MYO1E: variants seen among roughly 807,000 people sequenced by gnomAD.
MYO1E encodes unconventional myosin-Ie.
A neutral mutation model predicts 151.1 loss-of-function variants in MYO1E; 68 were observed. The observed-to-expected ratio is 0.45, with a 90% CI of 0.37 to 0.55. MYO1E has a LOEUF of 0.55. Ranked by LOEUF, MYO1E falls within the 20% of genes least tolerant of loss-of-function variation. The pLI is 0.00. For missense variants in MYO1E, 1,363 were observed against 1,389.3 expected (o/e 0.98, Z 0.30); for synonymous variants, 601 against 501.7 (o/e 1.20, Z -2.64).
chr15:59,210,651 C>G (rs2079873281), intron 12 of MYO1E, 51 bp from the exon 13 acceptor site: 9 of 1,319,240 alleles, frequency 6.8e-6, no homozygotes, highest in Non-Finnish European at 8.8e-6. Context: ...AGCAAGAGCT[C>G]TGCACGGACA....
At chr15:59,274,848 T>C (rs1302738920) in intron 1 of MYO1E, among the ~76,000 whole-genome samples, 1 of 152,314 alleles carries the variant, frequency 6.6e-6, no homozygotes, top group Non-Finnish European at 1.5e-5. Context: ...GTAGAGTTCA[T>C]TGATTCTCAT....
Position 59,153,781 on chromosome 15 carries a change from C to A in MYO1E, c.2889G>T (p.Gln963His). The A allele has an allele frequency of 6.2e-7, 1 of 1,613,272 alleles. No individual in the cohort carries two copies. Among genetic ancestry groups the A allele is most frequent in the South Asian group, 1.1e-5 (1 of 91,056 alleles). Reference sequence around the variant, plus strand: ...CATACTGGTTTCTGATGACTCCGTTCTGATGGTATCCTAGAGAGAGGAACA... The same window carrying A: ...CATACTGGTTTCTGATGACTCCGTTATGATGGTATCCTAGAGAGAGGAACA... ...RAAPPPPGYHQNGVIRNQYVP... is the reference protein window; with the variant it reads ...RAAPPPPGYHHNGVIRNQYVP... The change falls in exon 26 of 28, where the codon CAG becomes CAT. Residue 963 changes from glutamine to histidine, a missense_variant. Coordinates refer to ENST00000288235, the MANE Select transcript of MYO1E (RefSeq NM_004998.4).
intron 18 of MYO1E, among the ~76,000 whole-genome samples, chr15:59,181,792 A>G (rs1256920342): frequency 6.6e-6 from 1 of 152,194 alleles, no homozygotes; most frequent in Non-Finnish European, 1.5e-5. Context: ...GCAGATGTGG[A>G]TAGTTGTGCT....
At chr15:59,139,859 C>T (rs773239882) in intron 26 of MYO1E, among the ~76,000 whole-genome samples, 11 of 150,908 alleles carry the variant, frequency 7.3e-5, no homozygotes, top group Non-Finnish European at 1.5e-4. Context: ...TTCCCTCCCA[C>T]CCCCTCATTA....
chr15:59,174,252 GA>G lies in MYO1E; in HGVS notation c.2050-13del. On this transcript the variant is annotated splice_polypyrimidine_tract_variant and intron_variant, in intron 19 of 27. Coordinates refer to ENST00000288235, the MANE Select transcript of MYO1E (RefSeq NM_004998.4). ...TCTAAAAGAAATAGCTGTGAATGGA[GA>G]GAAGACAAATGTGAGCCAAGCCCCA... The G allele has an allele frequency of 6.3e-7, 1 of 1,587,728 alleles. No homozygotes were observed. The highest frequency in any genetic ancestry group is 8.6e-7 in the Non-Finnish European group (1 of 1,156,268).
chr15:59,361,155 C>T (rs2080882846), intron 1 of MYO1E, among the ~76,000 whole-genome samples: 2 of 152,250 alleles, frequency 1.3e-5, no homozygotes, highest in Middle Eastern at 3.4e-3. Context: ...GGACCAACTA[C>T]CAGACATGTG....
chr15:59,344,559 T>C (rs1453987989), intron 1 of MYO1E, among the ~76,000 whole-genome samples: 1 of 152,330 alleles, frequency 6.6e-6, no homozygotes, highest in East Asian at 1.9e-4. Flanking sequence ...CATCAAGTAG[T>C]GAAGCCAGCT....
In MYO1E at chr15:59,357,658, C is replaced by G. The variant is rs145200941; in HGVS notation, c.3+14840G>C. Among the ~76,000 whole-genome samples, 51 of 152,052 alleles carry G rather than the reference C, an allele frequency of 3.4e-4. 2 individuals are homozygous for G. The highest frequency in any genetic ancestry group is 1.1e-3 in the African/African-American group (46 of 41,460). ...AGAGACAGGGTTTCACCATGTTGGC[C>G]AGGATGGTCTGAAACTCCTGACCTC... On this transcript the variant is annotated intron_variant, in intron 1 of 27. Coordinates refer to ENST00000288235, the MANE Select transcript of MYO1E (RefSeq NM_004998.4).
intron 1 of MYO1E, among the ~76,000 whole-genome samples, chr15:59,307,813 T>C (rs2080523959): frequency 6.6e-6 from 1 of 151,832 alleles, no homozygotes; most frequent in Non-Finnish European, 1.5e-5. Flanking sequence ...TTTCTCCATG[T>C]TGGTCAGGCT....
At chr15:59,298,224 AAATCTAGTTATTTGG>A (rs1275653189) in intron 1 of MYO1E, among the ~76,000 whole-genome samples, 5 of 152,202 alleles carry the variant, frequency 3.3e-5, no homozygotes. Flanking sequence ...TTACATTTAC[AAATCTAGTTATTTGG>A]TACCCTGGGG....
At chr15:59,208,534 CTTTTG>C in intron 14 of MYO1E, 142 bp downstream of exon 14, 1 of 998,168 alleles carries the variant, frequency 1.0e-6, no homozygotes, top group South Asian at 1.4e-5. Flanking sequence ...TATATACAAT[CTTTTG>C]TTTTGCTTCC....
rs74809404 is a variant in MYO1E, at chr15:59,302,343, T to A, written c.4-29894A>T. 3.2e-3 allele frequency among the ~76,000 whole-genome samples: 485 copies of A among 152,278 alleles called. 2 individuals are homozygous for A. The highest frequency in any genetic ancestry group is 0.011 in the African/African-American group (467 of 41,530). On this transcript the variant is annotated intron_variant, in intron 1 of 27. Transcript: ENST00000288235. ...CAGACATTAACATGCCATCTTGAAA[T>A]GGCAACATACTGCAAAAGAATGCTG...
chr15:59,214,497 G>C, intron 11 of MYO1E, 143 bp downstream of exon 11: 1 of 1,001,016 alleles, frequency 1.0e-6, no homozygotes, highest in Admixed American at 1.8e-5. Flanking sequence ...AACTCACAAA[G>C]GCAAAAATGA....
intron 1 of MYO1E, among the ~76,000 whole-genome samples, chr15:59,303,000 G>C (rs1180216516): frequency 6.6e-6 from 1 of 152,144 alleles, no homozygotes; most frequent in Admixed American, 6.5e-5. Context: ...TGTCTGGTGA[G>C]AATACCCCTC....
At chr15:59,172,935 A>C (rs2079604095) in intron 21 of MYO1E, among the ~76,000 whole-genome samples, 1 of 152,276 alleles carries the variant, frequency 6.6e-6, no homozygotes, top group South Asian at 2.1e-4. Flanking sequence ...TGGTTTTAGC[A>C]AAACATGCTT....
rs764091785 is a variant in MYO1E at position 59,208,842 on chromosome 15, G to T, written c.1369C>A (p.Pro457Thr). Residue 457 changes from proline to threonine, a missense_variant, in exon 14 of 28, where the codon CCT becomes ACT. Coordinates refer to ENST00000288235, the MANE Select transcript of MYO1E (RefSeq NM_004998.4). ...CDLIENKVNPPGIMSILDDVC... is the reference protein window; with the variant it reads ...CDLIENKVNPTGIMSILDDVC... Reference sequence around the variant, plus strand: ...TCATCCAGGATGCTCATGATGCCAGGAGGGTTCTGATGGGAGCAAGAAGGC... The same window carrying T: ...TCATCCAGGATGCTCATGATGCCAGTAGGGTTCTGATGGGAGCAAGAAGGC... 2 of 1,614,050 alleles carry T rather than the reference G, an allele frequency of 1.2e-6. No individual in the cohort carries two copies. Among genetic ancestry groups the T allele is most frequent in the Non-Finnish European group, 1.7e-6 (2 of 1,180,046 alleles).
intron 1 of MYO1E, among the ~76,000 whole-genome samples, chr15:59,365,367 C>A (rs1480766876): frequency 2.0e-5 from 3 of 152,130 alleles, no homozygotes; most frequent in Non-Finnish European, 4.4e-5. Context: ...AACCTTCCAC[C>A]TACAAGCAGA....
At chr15:59,239,392 A>G (rs8040147) in intron 4 of MYO1E, among the ~76,000 whole-genome samples, 37,085 of 151,290 alleles carry the variant, frequency 0.25, 4,832 homozygotes, top group African/African-American at 0.33. Context: ...CCTTAAGTTT[A>G]CACTGTCACA....
intron 1 of MYO1E, among the ~76,000 whole-genome samples, chr15:59,303,952 A>G (rs1567008968): frequency 6.6e-6 from 1 of 151,334 alleles, no homozygotes; most frequent in Non-Finnish European, 1.5e-5. Context: ...AGTATCAGGC[A>G]GGCGTCTCTA....
Sources: gnomAD v4.1 joint callset for allele counts (sites outside exome capture counted in the v4.1 genomes callset) on GRCh38, gnomAD v4.1.1 for gene constraint, MANE v1.5 for transcripts, NCBI Gene and HGNC (gene_info 2026-07-23, HGNC 2026-07-21) for gene names.